Variants in NDUFAF2 observed in about 807,000 individuals in gnomAD.
NDUFAF2 encodes NADH dehydrogenase [ubiquinone] 1 alpha subcomplex assembly factor 2.
NDUFAF2 carries 13 observed loss-of-function variants against 22.8 expected under a neutral mutation model. The observed-to-expected ratio is 0.57, with a 90% CI of 0.37 to 0.91. The LOEUF (loss-of-function observed/expected upper bound fraction) is 0.91. Ranked by LOEUF, NDUFAF2 falls within the 40% of genes least tolerant of loss-of-function variation. The pLI, the probability that NDUFAF2 is intolerant of heterozygous loss-of-function variation, is 0.01. For missense variants in NDUFAF2, 162 were observed against 195.2 expected, an observed-to-expected ratio of 0.83 and a Z score of 1.01; for synonymous variants, 53 against 64.2, an observed-to-expected ratio of 0.83 and a Z score of 0.84.
chr5:60,991,207 AG>A (rs1299915165), intron 1 of NDUFAF2, among the ~76,000 whole-genome samples: 2 of 152,150 alleles, frequency 1.3e-5, no homozygotes, highest in African/African-American at 4.8e-5. Context: ...GGTACATAGT[AG>A]GTGTATATAT....
chr5:60,970,860 G>C (rs1750817699), intron 1 of NDUFAF2, among the ~76,000 whole-genome samples: 1 of 151,970 alleles, frequency 6.6e-6, no homozygotes, highest in African/African-American at 2.4e-5. Flanking sequence ...CTTCATCATT[G>C]ATTATGTTAT....
At chr5:61,033,037 A>G (rs1170735227) in intron 1 of NDUFAF2, among the ~76,000 whole-genome samples, 1 of 152,164 alleles carries the variant, frequency 6.6e-6, no homozygotes, top group Non-Finnish European at 1.5e-5. Context: ...ATCCATGAGC[A>G]TGGAATGTTT....
In NDUFAF2 at chr5:61,011,020, C is replaced by T. The variant is rs80063449; in HGVS notation, c.128-62105C>T. On this transcript the variant is annotated intron_variant, in intron 1 of 3. Coordinates refer to ENST00000296597, the MANE Select transcript of NDUFAF2 (RefSeq NM_174889.5). Reference sequence around the variant, plus strand: ...CAGCAGAGTAGCCAGATAGAAGGAGCCTGAATCCCTTATGATTATGGATCT... The same window carrying T: ...CAGCAGAGTAGCCAGATAGAAGGAGTCTGAATCCCTTATGATTATGGATCT... Among the ~76,000 whole-genome samples the T allele has an allele frequency of 7.6e-3, 1,162 of 152,174 alleles. 15 individuals carry two copies. Among genetic ancestry groups the T allele is most frequent in the African/African-American group, 0.026 (1,088 of 41,518 alleles).
rs1752325943 is a variant in NDUFAF2 at position 61,073,342 on chromosome 5, AACTTTG to A, written c.217+129_217+134del. 4 of 748,044 alleles carry A rather than the reference AACTTTG, an allele frequency of 5.3e-6. No individual in the cohort carries two copies. In the Admixed American group the frequency reaches 8.9e-5, roughly 17 times the overall value. 46.3% of individuals were successfully genotyped at this position (748,044 alleles called of 1,614,324 possible). ...AAAGTTTTAGTGTCTGAATGTTTGA[AACTTTG>A]TTTTTTTAACATTGCATTTCTTTGA... On this transcript the variant is annotated intron_variant, in intron 2 of 3. Transcript: ENST00000296597.
intron 1 of NDUFAF2, among the ~76,000 whole-genome samples, chr5:61,017,084 C>T (rs1751521382): frequency 6.6e-6 from 1 of 152,186 alleles, no homozygotes; most frequent in Admixed American, 6.5e-5. Flanking sequence ...AAGCATATTC[C>T]TTTCTCTACT....
chr5:61,125,982 A>G (rs1050147041), intron 3 of NDUFAF2, among the ~76,000 whole-genome samples: 1 of 152,050 alleles, frequency 6.6e-6, no homozygotes, highest in Admixed American at 6.6e-5. Flanking sequence ...ATTATACAGA[A>G]AGAGAAATAA....
chr5:60,990,417 A>G (rs1292992952), intron 1 of NDUFAF2, among the ~76,000 whole-genome samples: 1 of 152,194 alleles, frequency 6.6e-6, no homozygotes, highest in African/African-American at 2.4e-5. Flanking sequence ...TACACTTACT[A>G]TGTACCCCTA....
chr5:60,972,983 A>G (rs915990862), intron 1 of NDUFAF2, among the ~76,000 whole-genome samples: 4 of 151,794 alleles, frequency 2.6e-5, no homozygotes, highest in Non-Finnish European at 4.4e-5. Context: ...ATAACCAAAG[A>G]GCTTATACCC....
intron 1 of NDUFAF2, among the ~76,000 whole-genome samples, chr5:60,968,821 TG>T (rs1003482495): frequency 6.6e-6 from 1 of 152,070 alleles, no homozygotes; most frequent in Non-Finnish European, 1.5e-5. Flanking sequence ...CTATTTTTTT[TG>T]TACCACTTAA....
chr5:60,997,763 C>T (rs1468470356), intron 1 of NDUFAF2, among the ~76,000 whole-genome samples: 5 of 152,166 alleles, frequency 3.3e-5, no homozygotes, highest in Admixed American at 6.5e-5. Flanking sequence ...TGCTTGGATT[C>T]CCTCCATTGT....
At chr5:61,037,076 G>T (rs1751808981) in intron 1 of NDUFAF2, among the ~76,000 whole-genome samples, 1 of 152,094 alleles carries the variant, frequency 6.6e-6, no homozygotes, top group African/African-American at 2.4e-5. Context: ...CAAAAGACAT[G>T]ACTTTTCTTT....
At chr5:61,039,610 A>T (rs910392110) in intron 1 of NDUFAF2, among the ~76,000 whole-genome samples, 2 of 152,222 alleles carry the variant, frequency 1.3e-5, no homozygotes, top group African/African-American at 4.8e-5. Context: ...ATTAACTTAG[A>T]TCATTCTCAA....
At chr5:60,948,450 G>A (rs1750494831) in intron 1 of NDUFAF2, among the ~76,000 whole-genome samples, 1 of 152,102 alleles carries the variant, frequency 6.6e-6, no homozygotes, top group Admixed American at 6.5e-5. Context: ...CTGGCTTTGT[G>A]ATCTGCCTGC....
rs746745498 is a variant in NDUFAF2 at position 61,152,988 on chromosome 5, G to C, written c.*33G>C. The C allele has an allele frequency of 6.2e-7, 1 of 1,609,312 alleles. No homozygotes were observed. The highest frequency in any genetic ancestry group is 1.3e-5 in the African/African-American group (1 of 74,820). The stretch of plus-strand genomic sequence containing the variant: ...ATGGTCAAATCTTTTCATGTATATG[G>C]ATGTGACTATTTTAACAAATAAAAG... On this transcript the variant is annotated 3_prime_UTR_variant, in exon 4 of 4. Coordinates refer to ENST00000296597, the MANE Select transcript of NDUFAF2 (RefSeq NM_174889.5).
intron 1 of NDUFAF2, among the ~76,000 whole-genome samples, chr5:61,059,848 T>A (rs1752142732): frequency 6.6e-6 from 1 of 152,092 alleles, no homozygotes; most frequent in Admixed American, 6.6e-5. Context: ...CATGTCAGAT[T>A]ATAGAATCAT....
At chr5:60,986,791 G>T (rs1329975757) in intron 1 of NDUFAF2, among the ~76,000 whole-genome samples, 1 of 151,920 alleles carries the variant, frequency 6.6e-6, no homozygotes, top group Non-Finnish European at 1.5e-5. Flanking sequence ...AATAAGCCAG[G>T]CGTGGTGGCG....
chr5:60,968,195 T>G (rs981790745), intron 1 of NDUFAF2, among the ~76,000 whole-genome samples: 2 of 151,992 alleles, frequency 1.3e-5, no homozygotes, highest in African/African-American at 4.8e-5. Context: ...TGCTTCCCCT[T>G]TCATTTCTGA....
At chr5:61,049,299 G>A (rs554023615) in intron 1 of NDUFAF2, among the ~76,000 whole-genome samples, 106 of 151,854 alleles carry the variant, frequency 7.0e-4, no homozygotes, top group Middle Eastern at 3.4e-3. Flanking sequence ...ACAGGTAAAA[G>A]TTTTTAGTCC....
intron 3 of NDUFAF2, among the ~76,000 whole-genome samples, chr5:61,110,446 C>G (rs1752826231): frequency 1.3e-5 from 2 of 151,918 alleles, no homozygotes; most frequent in Admixed American, 1.3e-4. Context: ...AGCAGGGAAG[C>G]CATTGGTTCC....
Sources: allele counts gnomAD v4.1 joint callset (sites outside exome capture counted in the v4.1 genomes callset), GRCh38; gene constraint gnomAD v4.1.1; transcripts MANE v1.5; gene names NCBI Gene and HGNC (gene_info 2026-07-23, HGNC 2026-07-21).